Variants in ZFAND3 observed in about 807,000 individuals in gnomAD.
The protein encoded by ZFAND3 is AN1-type zinc finger protein 3.
Under a neutral mutation model 29.6 loss-of-function variants are expected in ZFAND3, and 10 were observed. That is an observed-to-expected ratio of 0.34 (90% CI 0.21 to 0.57). ZFAND3 has a LOEUF of 0.57. ZFAND3 is among the 20% of genes least tolerant of loss of function. The pLI is 0.86. For missense variants in ZFAND3, 230 were observed against 304.5 expected, an observed-to-expected ratio of 0.76 and a Z score of 1.82; for synonymous variants, 128 against 112.6, an observed-to-expected ratio of 1.14 and a Z score of -0.87.
intron 1 of ZFAND3, among the ~76,000 whole-genome samples, chr6:37,821,446 C>CT (rs1394518899): frequency 6.6e-6 from 1 of 152,176 alleles, no homozygotes; most frequent in Non-Finnish European, 1.5e-5. Flanking sequence ...CATGGACTGT[C>CT]TAATTCCCAC....
chr6:38,000,114 A>C (rs1205412675), intron 2 of ZFAND3, among the ~76,000 whole-genome samples: 1 of 152,212 alleles, frequency 6.6e-6, no homozygotes, highest in African/African-American at 2.4e-5. Context: ...TTGGAGTTTA[A>C]ACAATTTTTA....
intron 3 of ZFAND3, among the ~76,000 whole-genome samples, chr6:38,075,600 G>A (rs1442109420): frequency 6.6e-6 from 1 of 152,202 alleles, no homozygotes; most frequent in Non-Finnish European, 1.5e-5. Flanking sequence ...AAAAAATCTA[G>A]AATATTACAT....
At chr6:37,904,570 A>G (rs1765375801) in intron 1 of ZFAND3, among the ~76,000 whole-genome samples, 1 of 152,134 alleles carries the variant, frequency 6.6e-6, no homozygotes, top group Admixed American at 6.6e-5. Flanking sequence ...CTGGCTGTAC[A>G]TTTTCCCCAT....
chr6:38,050,761 A>C (rs1417337918), intron 2 of ZFAND3, among the ~76,000 whole-genome samples: 3 of 152,180 alleles, frequency 2.0e-5, no homozygotes, highest in African/African-American at 4.8e-5. Context: ...ATAGGCGTGC[A>C]CCACTGTGCC....
chr6:37,855,049 T>TA (rs2127381035), intron 1 of ZFAND3, among the ~76,000 whole-genome samples: 1 of 151,224 alleles, frequency 6.6e-6, no homozygotes, highest in South Asian at 2.1e-4. Flanking sequence ...CTCTTCTTTT[T>TA]AATCTCTGGG....
intron 5 of ZFAND3, among the ~76,000 whole-genome samples, chr6:38,123,073 A>G (rs1249351663): frequency 2.0e-5 from 3 of 152,222 alleles, no homozygotes; most frequent in African/African-American, 7.2e-5. Context: ...GAATACAGTC[A>G]ACATGATCTA....
chr6:38,093,657 G>A (rs936299306), intron 4 of ZFAND3, among the ~76,000 whole-genome samples: 1 of 152,120 alleles, frequency 6.6e-6, no homozygotes, highest in African/African-American at 2.4e-5. Flanking sequence ...ACTAAGGAAA[G>A]CTATGGCCAT....
chr6:38,031,830 C>A (rs1763566454), intron 2 of ZFAND3, among the ~76,000 whole-genome samples: 1 of 145,714 alleles, frequency 6.9e-6, no homozygotes. Context: ...CATATTCTGC[C>A]CCTCCCCCCC....
intron 2 of ZFAND3, among the ~76,000 whole-genome samples, chr6:37,965,555 G>A (rs1443944000): frequency 1.6e-5 from 2 of 126,740 alleles, no homozygotes; most frequent in Non-Finnish European, 1.7e-5. Flanking sequence ...TGCTTCCCAG[G>A]TGAGGGTTGT....
chr6:38,131,068 CGTCTAG>C (rs1562010867), intron 5 of ZFAND3, among the ~76,000 whole-genome samples: 1 of 152,086 alleles, frequency 6.6e-6, no homozygotes, highest in Non-Finnish European at 1.5e-5. Context: ...TTATCCATCT[CGTCTAG>C]GTTTTTCTAG....
intron 4 of ZFAND3, among the ~76,000 whole-genome samples, chr6:38,104,462 C>G (rs1458961012): frequency 6.6e-6 from 1 of 151,994 alleles, no homozygotes; most frequent in East Asian, 1.9e-4. Context: ...TTTTTGTATC[C>G]TACAAGTAAT....
At chr6:38,056,885 T>C (rs1764143435) in intron 2 of ZFAND3, among the ~76,000 whole-genome samples, 1 of 152,244 alleles carries the variant, frequency 6.6e-6, no homozygotes, top group South Asian at 2.1e-4. Context: ...CTGTTCACTC[T>C]TAACAGTATT....
chr6:37,861,758 A>G (rs1332403236), intron 1 of ZFAND3, among the ~76,000 whole-genome samples: 1 of 152,238 alleles, frequency 6.6e-6, no homozygotes, highest in Non-Finnish European at 1.5e-5. Flanking sequence ...ATGTATTATG[A>G]TGTGTGGTTT....
intron 3 of ZFAND3, among the ~76,000 whole-genome samples, chr6:38,065,524 C>T (rs1385919522): frequency 6.6e-6 from 1 of 152,184 alleles, no homozygotes; most frequent in Non-Finnish European, 1.5e-5. Flanking sequence ...ATATTCTAGA[C>T]ATTCTTCAAA....
chr6:38,111,054 A>G (rs1207199369), intron 4 of ZFAND3, among the ~76,000 whole-genome samples: 1 of 152,254 alleles, frequency 6.6e-6, no homozygotes, highest in Non-Finnish European at 1.5e-5. Flanking sequence ...GCCAGAGACA[A>G]AACAGAATTT....
chr6:37,866,285 C>G (rs1385878290), intron 1 of ZFAND3, among the ~76,000 whole-genome samples: 1 of 152,012 alleles, frequency 6.6e-6, no homozygotes, highest in African/African-American at 2.4e-5. Flanking sequence ...ATTTTCCAGT[C>G]TTTTTTGTTT....
chr6:37,923,794 G>A (rs1364295147), intron 1 of ZFAND3, among the ~76,000 whole-genome samples: 1 of 152,244 alleles, frequency 6.6e-6, no homozygotes, highest in East Asian at 1.9e-4. Flanking sequence ...ATTGATGAAA[G>A]TATCATTATG....
At chr6:37,835,807 A>G (rs977936442) in intron 1 of ZFAND3, among the ~76,000 whole-genome samples, 1 of 152,128 alleles carries the variant, frequency 6.6e-6, no homozygotes, top group African/African-American at 2.4e-5. Context: ...TTTTCAGTTA[A>G]CGTATCTTGG....
At chr6:38,043,756 T>C (rs1763842822) in intron 2 of ZFAND3, among the ~76,000 whole-genome samples, 1 of 151,998 alleles carries the variant, frequency 6.6e-6, no homozygotes, top group Non-Finnish European at 1.5e-5. Flanking sequence ...AGACTAAAGG[T>C]GCAGGCTCAT....
Sources: allele counts gnomAD v4.1 joint callset (sites outside exome capture counted in the v4.1 genomes callset), GRCh38; gene constraint gnomAD v4.1.1; transcripts MANE v1.5; gene names NCBI Gene and HGNC (gene_info 2026-07-23, HGNC 2026-07-21).